PPHLN1: variants seen among roughly 807,000 people sequenced by gnomAD.
PPHLN1 encodes the protein periphilin-1.
PPHLN1 carries 29 observed loss-of-function variants against 51.3 expected under a neutral mutation model. The ratio of observed to expected loss-of-function variants is 0.57; its 90% CI spans 0.42 to 0.77. The LOEUF is 0.77. Among genes scored for constraint, PPHLN1 ranks in the 30% least tolerant of loss-of-function variants. PPHLN1 has a pLI of 0.00. For synonymous variants in PPHLN1, 147 were observed against 147.8 expected, an observed-to-expected ratio of 0.99 and a Z score of 0.04; for missense variants, 436 against 438.4, an observed-to-expected ratio of 0.99 and a Z score of 0.05.
chr12:42,336,326 T>A (rs554157870), intron 2 of PPHLN1, among the ~76,000 whole-genome samples: 2 of 152,366 alleles, frequency 1.3e-5, no homozygotes, highest in African/African-American at 4.8e-5. Flanking sequence ...CCTATTTTTT[T>A]CTATATTCCT....
intron 7 of PPHLN1, among the ~76,000 whole-genome samples, chr12:42,392,153 T>C (rs1370642817): frequency 1.3e-5 from 2 of 152,142 alleles, no homozygotes; most frequent in Admixed American, 6.5e-5. Flanking sequence ...GAGGCGGAGG[T>C]TGCAGTGAGC....
intron 5 of PPHLN1, among the ~76,000 whole-genome samples, chr12:42,382,382 C>T (rs914177639): frequency 1.3e-5 from 2 of 152,132 alleles, no homozygotes; most frequent in Non-Finnish European, 2.9e-5. Context: ...TCTGTACTGC[C>T]ACTTTCAGAA....
chr12:42,446,790 T>TA (rs2083345190), downstream of PPHLN1: 3 of 689,278 alleles, frequency 4.4e-6, no homozygotes, highest in African/African-American at 5.3e-5. Flanking sequence ...CAGGAGAGAA[T>TA]AAAGCTGAAG....
chr12:42,379,187 A>G (rs550852156), intron 5 of PPHLN1, among the ~76,000 whole-genome samples: 2 of 152,044 alleles, frequency 1.3e-5, no homozygotes, highest in East Asian at 1.9e-4. Flanking sequence ...TTAAGCTATA[A>G]CATTAAAAGT....
At chr12:42,382,592 C>T (rs1669908) in intron 5 of PPHLN1, among the ~76,000 whole-genome samples, 146,833 of 152,282 alleles carry the variant, frequency 0.96, 71,035 homozygotes, top group Middle Eastern at 1. Flanking sequence ...AGTTAGAAGG[C>T]AGAACAATGA....
intron 7 of PPHLN1, 114 bp from the exon 8 acceptor site, chr12:42,393,456 C>G: frequency 9.9e-7 from 1 of 1,014,006 alleles, no homozygotes; most frequent in Non-Finnish European, 1.4e-6. Context: ...TACCTGTTCT[C>G]CATAGAAATT....
intron 9 of PPHLN1, among the ~76,000 whole-genome samples, chr12:42,413,526 ATGTGTG>A (rs71084648): frequency 0.011 from 1,548 of 136,592 alleles, 26 homozygotes; most frequent in East Asian, 0.057. Context: ...ATATATGTAT[ATGTGTG>A]TGTGTGTGTG....
At chr12:42,417,033 A>G (rs1174194638) in intron 9 of PPHLN1, among the ~76,000 whole-genome samples, 1 of 152,208 alleles carries the variant, frequency 6.6e-6, no homozygotes, top group Non-Finnish European at 1.5e-5. Context: ...GATTGGCTAT[A>G]CAGAAATGTT....
intron 9 of PPHLN1, among the ~76,000 whole-genome samples, chr12:42,430,897 T>C (rs1462609446): frequency 6.6e-6 from 1 of 152,114 alleles, no homozygotes; most frequent in African/African-American, 2.4e-5. Flanking sequence ...CAAAACAAGA[T>C]AAAAAAGATA....
At chr12:42,421,632 G>A (rs539400402) in intron 9 of PPHLN1, among the ~76,000 whole-genome samples, 1 of 152,192 alleles carries the variant, frequency 6.6e-6, no homozygotes, top group Non-Finnish European at 1.5e-5. Flanking sequence ...ACAAGCATGA[G>A]CCATTACGCT....
intron 5 of PPHLN1, among the ~76,000 whole-genome samples, chr12:42,380,792 AG>A (rs1318563650): frequency 6.6e-6 from 1 of 152,212 alleles, no homozygotes; most frequent in Non-Finnish European, 1.5e-5. Context: ...ATTAGGCAAC[AG>A]GAAGAGAGGA....
At position 42,374,899 on chromosome 12, in the gene PPHLN1, CTCTTCCCATTATGCGAGAGAGCGG is replaced by C; in HGVS notation, c.340_363del (p.Ser114_Ser121del). 1.2e-6 allele frequency: 2 copies of C among 1,605,354 alleles called. No individual in the cohort carries two copies. The highest frequency in any genetic ancestry group is 4.5e-5 in the East Asian group (2 of 44,424). On this transcript the variant is annotated inframe_deletion, in exon 5 of 10. Transcript: ENST00000358314. ...ATGGCTTTAGAAGAAAAAGTTTCTA[CTCTTCCCATTATGCGAGAGAGCGG>C]TCTCCTTATAAAAGGGACAATACTT...
In PPHLN1 at chr12:42,411,903, C is replaced by CAAAAAAAA. The variant is rs1212289027; in HGVS notation, c.909+12922_909+12929dup. On this transcript the variant is annotated intron_variant, in intron 9 of 9. Transcript: ENST00000358314. The stretch of plus-strand genomic sequence containing the variant: ...TGGGGGATAGAGTGAGACTCAGTCT[C>CAAAAAAAA]AAAAAAAAAAAAAAAAAAAAGGGCT... Among the ~76,000 whole-genome samples, 31 of 33,982 alleles carry CAAAAAAAA rather than the reference C, an allele frequency of 9.1e-4. 6 individuals are homozygous for CAAAAAAAA. The highest frequency in any genetic ancestry group is 1.6e-3 in the African/African-American group (13 of 8,028). 22.3% of individuals were successfully genotyped at this position (33,982 alleles called of 152,430 possible).
At chr12:42,417,726 G>A (rs1051649039) in intron 9 of PPHLN1, among the ~76,000 whole-genome samples, 12 of 151,642 alleles carry the variant, frequency 7.9e-5, no homozygotes, top group Admixed American at 3.9e-4. Flanking sequence ...AAAAAATGAC[G>A]CAAACTTAGT....
chr12:42,420,364 A>G (rs1325737476), intron 9 of PPHLN1, among the ~76,000 whole-genome samples: 1 of 151,706 alleles, frequency 6.6e-6, no homozygotes, highest in Non-Finnish European at 1.5e-5. Flanking sequence ...GTTTTTAGAC[A>G]TTTTGAAACT....
chr12:42,383,751 C>T (rs943062338), intron 5 of PPHLN1, among the ~76,000 whole-genome samples: 3 of 151,780 alleles, frequency 2.0e-5, no homozygotes, highest in Admixed American at 6.6e-5. Flanking sequence ...GAGACTGAGG[C>T]GGGTGGATCA....
chr12:42,330,869 C>T (rs2069619194), intron 1 of PPHLN1, among the ~76,000 whole-genome samples: 1 of 152,078 alleles, frequency 6.6e-6, no homozygotes, highest in Admixed American at 6.5e-5. Flanking sequence ...GCCACCACAC[C>T]TGGCTAATTT....
chr12:42,432,142 G>T, intron 9 of PPHLN1: 2 of 1,094,594 alleles, frequency 1.8e-6, no homozygotes, highest in Non-Finnish European at 2.8e-6. Context: ...CGCTGATGTC[G>T]GCTGTCTCGA....
chr12:42,423,679 ATT>A (rs11345292), intron 9 of PPHLN1, among the ~76,000 whole-genome samples: 14 of 147,828 alleles, frequency 9.5e-5, no homozygotes, highest in Admixed American at 1.4e-4. Context: ...TAACATGCAA[ATT>A]TTTTTTTTTT....
Sources: gnomAD v4.1 joint callset for allele counts (sites outside exome capture counted in the v4.1 genomes callset) on GRCh38, gnomAD v4.1.1 for gene constraint, MANE v1.5 for transcripts, NCBI Gene and HGNC (gene_info 2026-07-23, HGNC 2026-07-21) for gene names.